Variants in FLACC1 observed in about 807,000 individuals in gnomAD.
The protein encoded by FLACC1 is flagellum associated containing coiled-coil domains 1.
A neutral mutation model predicts 62.8 loss-of-function variants in FLACC1; 66 were observed. The observed-to-expected ratio is 1.05, with a 90% CI of 0.86 to 1.29. FLACC1 has a LOEUF of 1.29. FLACC1 is among the 50% of genes most tolerant of loss of function. FLACC1 has a pLI of 0.00. For synonymous variants in FLACC1, 156 were observed against 161.0 expected (o/e 0.97, Z 0.24); for missense variants, 452 against 489.1 (o/e 0.92, Z 0.71).
chr2:201,299,673 T>C (rs748810236), intron 11 of FLACC1, among the ~76,000 whole-genome samples: 1 of 152,192 alleles, frequency 6.6e-6, no homozygotes, highest in Non-Finnish European at 1.5e-5. Flanking sequence ...GACAAGCTAG[T>C]TCTAACATTT....
At position 201,317,961 on chromosome 2, in the gene FLACC1, T is replaced by G. The variant is rs1364355675; in HGVS notation, c.676-8711A>C. 2.0e-5 allele frequency among the ~76,000 whole-genome samples: 3 copies of G among 152,290 alleles called. No homozygotes were observed. In the East Asian group the frequency reaches 5.8e-4, roughly 29 times the overall value. On this transcript the variant is annotated intron_variant, in intron 9 of 14. Coordinates refer to ENST00000392257, the MANE Select transcript of FLACC1 (RefSeq NM_001127391.3). ...AACCCAAATACTTACAGCCAACTGA[T>G]CTTTGACTAAGCAAACACAAATATA...
rs1195756818 is a variant in FLACC1, at chr2:201,291,649, G to A, written c.943-1864C>T. 5.3e-5 allele frequency among the ~76,000 whole-genome samples: 8 copies of A among 152,304 alleles called. No individual in the cohort carries two copies. In the East Asian group the frequency reaches 9.6e-4, roughly 18 times the overall value. ...CTCCTCCAAAGGAATGCAGCTCCTC[G>A]CCAGCAACAGAACAAAGCTGGATGG... On this transcript the variant is annotated intron_variant, in intron 12 of 14. Transcript: ENST00000392257.
intron 4 of FLACC1, among the ~76,000 whole-genome samples, chr2:201,347,891 G>A (rs1950949563): frequency 1.3e-5 from 2 of 152,158 alleles, no homozygotes; most frequent in Admixed American, 1.3e-4. Flanking sequence ...AGGGGTCCCG[G>A]CAGCCTCTCC....
At chr2:201,347,285 G>A (rs1026675838) in intron 4 of FLACC1, among the ~76,000 whole-genome samples, 3 of 152,200 alleles carry the variant, frequency 2.0e-5, no homozygotes, top group African/African-American at 7.2e-5. Flanking sequence ...AGCACATGCT[G>A]CAGCCCCTTG....
intron 7 of FLACC1, 120 bp downstream of exon 7, chr2:201,342,250 A>T: frequency 1.1e-6 from 1 of 871,476 alleles, no homozygotes; most frequent in Non-Finnish European, 1.8e-6. Context: ...CATCTCCCCC[A>T]CCCTTCATCC....
rs1420009188 is a variant in FLACC1, at chr2:201,346,606, C to A, written c.304G>T (p.Asp102Tyr). The change falls in exon 5 of 15, where the codon GAT (aspartate) becomes TAT (tyrosine). Residue 102 changes from aspartate to tyrosine, a missense_variant. Transcript: ENST00000392257. This position sits in a 1 kb window ranked among gnomAD's most constrained non-coding sequence, Gnocchi z 4.0. Reference sequence around the variant, plus strand: ...CGCTTTTTCCTATCAAACATCTCATCCCCTAAGGTGACAGAAATCTGTTCC... The same window carrying A: ...CGCTTTTTCCTATCAAACATCTCATACCCTAAGGTGACAGAAATCTGTTCC... ...NREQISVTLG[D>Y]EMFDRKKRWE... The A allele has an allele frequency of 1.2e-6, 2 of 1,614,124 alleles. No homozygotes were observed. The highest frequency in any genetic ancestry group is 2.7e-5 in the African/African-American group (2 of 74,950).
intron 12 of FLACC1, among the ~76,000 whole-genome samples, chr2:201,294,433 T>G (rs1273489575): frequency 6.6e-6 from 1 of 152,164 alleles, no homozygotes; most frequent in African/African-American, 2.4e-5. Context: ...CATGATTATC[T>G]CAATAGATGC....
intron 9 of FLACC1, among the ~76,000 whole-genome samples, chr2:201,330,001 A>G (rs1318557160): frequency 6.6e-6 from 1 of 152,258 alleles, no homozygotes; most frequent in East Asian, 1.9e-4. Flanking sequence ...ATAGGGGAAC[A>G]GTAAAATTTT....
Position 201,288,366 on chromosome 2 carries a change from T to C in FLACC1, c.*289A>G. On this transcript the variant is annotated 3_prime_UTR_variant, in exon 15 of 15. Transcript: ENST00000392257. ...GTAAAAGTTCAATATGAAGAAGGCC[T>C]TCAAATCAGTTTCTTTCTAACGAAA... 1 of 266,752 alleles carries C rather than the reference T, an allele frequency of 3.7e-6. No homozygotes were observed. The highest frequency in any genetic ancestry group is 6.9e-5 in the East Asian group (1 of 14,478). 16.5% of individuals were successfully genotyped at this position (266,752 alleles called of 1,614,324 possible).
intron 12 of FLACC1, among the ~76,000 whole-genome samples, chr2:201,293,198 C>A (rs551635350): frequency 3.8e-4 from 58 of 152,324 alleles, no homozygotes; most frequent in African/African-American, 1.3e-3. Context: ...GAACTCTCCA[C>A]CCCAAATGAA....
chr2:201,309,185 C>T lies in FLACC1; in HGVS notation c.741G>A (p.Glu247=), dbSNP rs1171326936. The change falls in exon 10 of 15, where the codon GAG becomes GAA. Residue 247 remains glutamate (E), a synonymous_variant. Transcript: ENST00000392257. ...SKQKAKWKKD[E]KFERENILLQ... is the part of the protein sequence containing the mutation. ...GCAGGATATTTTCTCGCTCGAACTT[C>T]TCATCCTTCTTCCATTTCGCCTTCT... The T allele has an allele frequency of 5.6e-6, 9 of 1,613,978 alleles. No homozygotes were observed. The highest frequency in any genetic ancestry group is 7.6e-6 in the Non-Finnish European group (9 of 1,179,952).
At chr2:201,300,053 C>G (rs1949944934) in intron 11 of FLACC1, among the ~76,000 whole-genome samples, 1 of 152,198 alleles carries the variant, frequency 6.6e-6, no homozygotes, top group Non-Finnish European at 1.5e-5. Context: ...GTTCATCTCA[C>G]TGGGGCTTGT....
intron 7 of FLACC1, among the ~76,000 whole-genome samples, chr2:201,340,427 CACTT>C (rs1950785377): frequency 6.6e-6 from 1 of 152,110 alleles, no homozygotes. Context: ...GTTACCATGA[CACTT>C]AGTTAGAATA....
At chr2:201,359,884 A>C (rs1951170316), upstream of FLACC1, among the ~76,000 whole-genome samples, 1 of 151,930 alleles carries the variant, frequency 6.6e-6, no homozygotes, top group Admixed American at 6.6e-5. Context: ...GAGATTGAAT[A>C]TTTACTTTGA....
At chr2:201,310,146 C>T (rs1346628726) in intron 9 of FLACC1, among the ~76,000 whole-genome samples, 1 of 151,950 alleles carries the variant, frequency 6.6e-6, no homozygotes, top group East Asian at 1.9e-4. Flanking sequence ...CTAGTAGGGT[C>T]CAAGGACGCT....
At chr2:201,354,306 G>A (rs1184837935) in intron 1 of FLACC1, among the ~76,000 whole-genome samples, 1 of 152,208 alleles carries the variant, frequency 6.6e-6, no homozygotes, top group African/African-American at 2.4e-5. Flanking sequence ...CAGCAGAGGA[G>A]TCGGCAGAAA....
chr2:201,333,259 G>C (rs968551394), intron 7 of FLACC1, among the ~76,000 whole-genome samples: 2 of 152,036 alleles, frequency 1.3e-5, no homozygotes, highest in African/African-American at 4.8e-5. Flanking sequence ...ATCCATGTGA[G>C]ATAATAACTC....
At chr2:201,291,462 G>A (rs1216797869) in intron 12 of FLACC1, among the ~76,000 whole-genome samples, 1 of 152,184 alleles carries the variant, frequency 6.6e-6, no homozygotes, top group Non-Finnish European at 1.5e-5. Context: ...TGCAGCTGAG[G>A]GTCCTGACTG....
intron 9 of FLACC1, among the ~76,000 whole-genome samples, chr2:201,311,334 C>G (rs189648429): frequency 1.3e-5 from 2 of 151,956 alleles, no homozygotes; most frequent in East Asian, 3.9e-4. Context: ...CTGGCAAAGA[C>G]AAAAAAGAAA....
Sources: gnomAD v4.1 joint callset for allele counts (sites outside exome capture counted in the v4.1 genomes callset) on GRCh38, gnomAD v4.1.1 for gene constraint, Gnocchi (gnomAD v3.1) non-coding constraint, MANE v1.5 for transcripts, NCBI Gene and HGNC (gene_info 2026-07-23, HGNC 2026-07-21) for gene names.